Variants in FAR2 observed in about 807,000 individuals in gnomAD.
FAR2 encodes fatty acyl-CoA reductase 2.
FAR2 carries 19 observed loss-of-function variants against 56.0 expected under a neutral mutation model. That is an observed-to-expected ratio of 0.34 (90% CI 0.24 to 0.50). FAR2 has a LOEUF of 0.50. FAR2 is among the 20% of genes least tolerant of loss of function. The probability of loss-of-function intolerance (pLI) is 0.98; values close to 1 mark genes in which losing one functional copy is unlikely to be tolerated. For synonymous variants in FAR2, 219 were observed against 218.8 expected (o/e 1.00, Z -0.01); for missense variants, 508 against 642.2 (o/e 0.79, Z 2.26).
rs181007586 is a variant in FAR2, at chr12:29,162,886, A to G, written c.-39+13479A>G. On this transcript the variant is annotated intron_variant, in intron 1 of 11. Coordinates refer to ENST00000536681, the MANE Select transcript of FAR2 (RefSeq NM_001271783.2). Reference sequence around the variant, plus strand: ...ATTCATTCTTTGACGCATTCATTCAACGAGTATTTATTCAATGATTATTGT... The same window carrying G: ...ATTCATTCTTTGACGCATTCATTCAGCGAGTATTTATTCAATGATTATTGT... Among the ~76,000 whole-genome samples the G allele has an allele frequency of 5.9e-5, 9 of 152,374 alleles. No individual in the cohort carries two copies. In the East Asian group the frequency reaches 1.7e-3, roughly 29 times the overall value.
chr12:29,161,153 GA>G (rs1315453857), intron 1 of FAR2, among the ~76,000 whole-genome samples: 1 of 152,072 alleles, frequency 6.6e-6, no homozygotes, highest in East Asian at 1.9e-4. Flanking sequence ...CATCTGTGTG[GA>G]AAAGTGAATA....
At position 29,297,898 on chromosome 12, in the gene FAR2, C is replaced by T. The variant is rs1949097071; in HGVS notation, c.545+698C>T. 2.0e-5 allele frequency among the ~76,000 whole-genome samples: 3 copies of T among 152,032 alleles called. No individual in the cohort carries two copies. In the South Asian group the frequency reaches 6.2e-4, roughly 31 times the overall value. On this transcript the variant is annotated intron_variant, in intron 4 of 11. Transcript: ENST00000536681. ...GGATGTGGTGGCAGGCGCCTGTAATCCCAGGTACTTGGGAGGCTGAGGCAG... is the reference window on the plus strand; with the variant it reads ...GGATGTGGTGGCAGGCGCCTGTAATTCCAGGTACTTGGGAGGCTGAGGCAG...
intron 1 of FAR2, chr12:29,151,766 A>G (rs1380165084): frequency 1.3e-5 from 2 of 152,204 alleles, no homozygotes; most frequent in African/African-American, 2.4e-5. Flanking sequence ...GTCTTCCTAC[A>G]TTTCAGTTTC....
intron 2 of FAR2, among the ~76,000 whole-genome samples, chr12:29,285,502 C>A (rs1948858669): frequency 6.6e-6 from 1 of 151,876 alleles, no homozygotes; most frequent in Non-Finnish European, 1.5e-5. Context: ...GATGTTCAAC[C>A]TCTCCCCTGC....
chr12:29,238,841 T>C (rs1359751987), intron 1 of FAR2, among the ~76,000 whole-genome samples: 2 of 152,196 alleles, frequency 1.3e-5, no homozygotes, highest in Non-Finnish European at 2.9e-5. Flanking sequence ...TTTTCTATTG[T>C]TTTATAACAA....
chr12:29,169,222 G>A (rs1949862609), intron 1 of FAR2, among the ~76,000 whole-genome samples: 1 of 152,210 alleles, frequency 6.6e-6, no homozygotes, highest in Admixed American at 6.5e-5. Flanking sequence ...AATGACCACT[G>A]TAGCTACTTC....
chr12:29,305,984 G>T (rs1190135081), intron 4 of FAR2, among the ~76,000 whole-genome samples: 1 of 143,018 alleles, frequency 7.0e-6, no homozygotes, highest in Non-Finnish European at 1.5e-5. Flanking sequence ...TGTTTCCTAG[G>T]TTTTTTTTTT....
chr12:29,268,442 C>T (rs1948555937), intron 1 of FAR2, among the ~76,000 whole-genome samples: 1 of 152,254 alleles, frequency 6.6e-6, no homozygotes, highest in African/African-American at 2.4e-5. Context: ...AGAGTTGCAT[C>T]TGGCTTCCTG....
At chr12:29,238,268 A>G (rs1245495082) in intron 1 of FAR2, among the ~76,000 whole-genome samples, 1 of 152,176 alleles carries the variant, frequency 6.6e-6, no homozygotes, top group African/African-American at 2.4e-5. Flanking sequence ...CTGATTACAG[A>G]AACAGATATG....
intron 2 of FAR2, among the ~76,000 whole-genome samples, chr12:29,287,959 A>G (rs896208824): frequency 2.6e-5 from 4 of 152,196 alleles, no homozygotes; most frequent in Non-Finnish European, 5.9e-5. Flanking sequence ...TACAGAAGTC[A>G]TACCCAAGGA....
At chr12:29,201,125 C>T (rs942667318) in intron 1 of FAR2, among the ~76,000 whole-genome samples, 1 of 152,114 alleles carries the variant, frequency 6.6e-6, no homozygotes, top group Non-Finnish European at 1.5e-5. Context: ...TCCTTTCCGT[C>T]TTCCTTTTGC....
At chr12:29,274,984 A>T (rs1430748152) in intron 2 of FAR2, among the ~76,000 whole-genome samples, 2 of 2,094 alleles carry the variant, frequency 9.6e-4, no homozygotes, top group Non-Finnish European at 1.9e-3. Context: ...GGATCGGGGG[A>T]CCTCCCTGGG....
intron 1 of FAR2, among the ~76,000 whole-genome samples, chr12:29,217,984 A>AGAGGAGGAGGAGGAGGAGGAGGAG (rs143213052): frequency 5.9e-5 from 9 of 151,298 alleles, no homozygotes; most frequent in African/African-American, 2.0e-4. Flanking sequence ...AAGAAGACAA[A>AGAGGAGGAGGAGGAGGAGGAGGAG]GAGGAGGAGG....
intron 1 of FAR2, among the ~76,000 whole-genome samples, chr12:29,182,140 A>G (rs1458348649): frequency 6.6e-6 from 1 of 152,220 alleles, no homozygotes; most frequent in East Asian, 1.9e-4. Flanking sequence ...GCTGACTTCA[A>G]GAATGAAGCC....
chr12:29,168,286 G>C (rs1319728762), intron 1 of FAR2, among the ~76,000 whole-genome samples: 2 of 152,174 alleles, frequency 1.3e-5, no homozygotes, highest in African/African-American at 2.4e-5. Context: ...GATACTGTGA[G>C]GGTACGTGGG....
intron 1 of FAR2, among the ~76,000 whole-genome samples, chr12:29,199,728 C>G (rs556595178): frequency 6.6e-6 from 1 of 151,900 alleles, no homozygotes; most frequent in Admixed American, 6.6e-5. Flanking sequence ...CAAGCACTTG[C>G]GGTAAGAATG....
intron 1 of FAR2, among the ~76,000 whole-genome samples, chr12:29,192,185 G>A (rs1950108180): frequency 6.6e-6 from 1 of 152,184 alleles, no homozygotes; most frequent in South Asian, 2.1e-4. Context: ...TAAAAAATAA[G>A]TGAATTGCAC....
chr12:29,149,731 T>TG (rs924700332), intron 1 of FAR2, among the ~76,000 whole-genome samples: 3 of 152,040 alleles, frequency 2.0e-5, no homozygotes, highest in African/African-American at 7.2e-5. Context: ...AAGGTTAATG[T>TG]GGGGGGCCGC....
chr12:29,230,822 T>C (rs1473892029), intron 1 of FAR2, among the ~76,000 whole-genome samples: 1 of 152,078 alleles, frequency 6.6e-6, no homozygotes, highest in African/African-American at 2.4e-5. Context: ...ATAGGGAGAA[T>C]GGTGAAGGGA....
Sources: gnomAD v4.1 joint callset for allele counts (sites outside exome capture counted in the v4.1 genomes callset) on GRCh38, gnomAD v4.1.1 for gene constraint, MANE v1.5 for transcripts, NCBI Gene and HGNC (gene_info 2026-07-23, HGNC 2026-07-21) for gene names.